Variants in AP2A1 observed in about 807,000 individuals in gnomAD.
AP2A1 encodes the protein AP-2 complex subunit alpha-1.
Under a neutral mutation model 107.3 loss-of-function variants are expected in AP2A1, and 21 were observed. The ratio of observed to expected loss-of-function variants is 0.20; its 90% confidence interval spans 0.14 to 0.28. The LOEUF is 0.28. AP2A1 is among the 10% of genes least tolerant of loss of function. AP2A1 has a pLI of 1.00. For synonymous variants in AP2A1, 602 were observed against 564.8 expected (o/e 1.07, Z -0.93); for missense variants, 873 against 1,307.7 (o/e 0.67, Z 5.13).
At position 49,803,158 on chromosome 19, in the gene AP2A1, C is replaced by T. The variant is rs376682843; in HGVS notation, c.2223C>T (p.Ile741=). The T allele has an allele frequency of 3.7e-6, 6 of 1,613,978 alleles. No homozygotes were observed. The African/African-American group carries it at 4.0e-5, about 11-fold the overall frequency. The change falls in exon 17 of 23, where the codon ATC becomes ATT. Residue 741 remains isoleucine, a synonymous_variant. Transcript: ENST00000354293. ...TGTTCGAGAACCAGCTGCTGCAGAT[C>T]GGAGTCAAGTCAGAGTTCCGACAGA... The part of the protein sequence containing the change: ...GVLFENQLLQ[I]GVKSEFRQNL...
At chr19:49,794,364 G>A (rs2073185111) in intron 6 of AP2A1, among the ~76,000 whole-genome samples, 1 of 151,892 alleles carries the variant, frequency 6.6e-6, no homozygotes, top group Non-Finnish European at 1.5e-5. Context: ...GCAGGTGCCT[G>A]GCTAATTTTT....
In AP2A1 at chr19:49,782,689, C is replaced by G; in HGVS notation, c.438C>G (p.Ala146=). ...TGGGCAGCCGGGAGATGGGCGAGGCCTTTGCCGCTGACATCCCCCGCATCC... is the reference window on the plus strand; with the variant it reads ...TGGGCAGCCGGGAGATGGGCGAGGCGTTTGCCGCTGACATCCCCCGCATCC... ...ANVGSREMGE[A]FAADIPRILV... The change falls in exon 4 of 23, where the codon GCC becomes GCG. Residue 146 remains alanine (A), a synonymous_variant. Coordinates refer to ENST00000354293, the MANE Select transcript of AP2A1 (RefSeq NM_130787.3). 6.2e-7 allele frequency: 1 copy of G among 1,609,620 alleles called. No homozygotes were observed. The highest frequency in any genetic ancestry group is 1.1e-5 in the South Asian group (1 of 90,722).
chr19:49,806,676 C>T lies in AP2A1; in HGVS notation c.2791-5C>T. The T allele has an allele frequency of 1.9e-6, 3 of 1,612,646 alleles. No individual in the cohort carries two copies. The highest frequency in any genetic ancestry group is 2.5e-6 in the Non-Finnish European group (3 of 1,179,760). ...CTGAGTTCTGCCCCCAATGCCCCCA[C>T]CCAGATGTACCGGCTGACCCTGCGC... On this transcript the variant is annotated splice_polypyrimidine_tract_variant and splice_region_variant and intron_variant, in intron 22 of 22. Transcript: ENST00000354293.
intron 11 of AP2A1, chr19:49,800,635 A>G: frequency 3.6e-6 from 1 of 279,310 alleles, no homozygotes; most frequent in Non-Finnish European, 6.8e-6. Flanking sequence ...CACCCAGCTA[A>G]TTTGTTTGTA....
At chr19:49,792,534 C>T (rs1468088731) in intron 5 of AP2A1, among the ~76,000 whole-genome samples, 1 of 151,936 alleles carries the variant, frequency 6.6e-6, no homozygotes, top group Non-Finnish European at 1.5e-5. Flanking sequence ...ACCCTCCCAT[C>T]CCCATCTCTG....
rs143160377 is a variant in AP2A1 at position 49,779,002 on chromosome 19, C to A, written c.68-2755C>A. 7.3e-3 allele frequency among the ~76,000 whole-genome samples: 1,096 copies of A among 149,130 alleles called. 36 individuals carry two copies. The South Asian group carries it at 0.082, about 11-fold the overall frequency. Reference sequence around the variant, plus strand: ...CTTGAAGTCAGGAGTTCGAGATCAGCCTGGGCAACATAGTAAGACCTCATT... The same window carrying A: ...CTTGAAGTCAGGAGTTCGAGATCAGACTGGGCAACATAGTAAGACCTCATT... On this transcript the variant is annotated intron_variant, in intron 1 of 22. Coordinates refer to ENST00000354293, the MANE Select transcript of AP2A1 (RefSeq NM_130787.3).
intron 1 of AP2A1, among the ~76,000 whole-genome samples, chr19:49,775,264 T>G (rs2084606180): frequency 6.6e-6 from 1 of 152,072 alleles, no homozygotes; most frequent in African/African-American, 2.4e-5. Context: ...ATCAGTGAAA[T>G]TCATTTTAAT....
chr19:49,793,050 C>T lies in AP2A1; in HGVS notation c.663C>T (p.Asp221=). Residue 221 remains aspartate, a synonymous_variant, in exon 6 of 23, where the codon GAC becomes GAT. Transcript: ENST00000354293. ...ITCLCKKNPD[D]FKTCVSLAVS... ...GTCTCTGCAAGAAGAACCCAGATGA[C>T]TTCAAGACGTGCGTCTCTCTGGCTG... 6.2e-7 allele frequency: 1 copy of T among 1,610,760 alleles called. No homozygotes were observed. The highest frequency in any genetic ancestry group is 8.5e-7 in the Non-Finnish European group (1 of 1,178,566).
At chr19:49,800,926 G>A (rs754708980) in intron 11 of AP2A1, 35 bp from the exon 12 acceptor site, 2 of 1,545,064 alleles carry the variant, frequency 1.3e-6, no homozygotes, top group Non-Finnish European at 1.8e-6. Context: ...GGCGCTCATT[G>A]TTGTCCTCTC....
chr19:49,803,037 G>T (rs1382805651), intron 16 of AP2A1, 32 bp downstream of exon 16: 1 of 1,613,604 alleles, frequency 6.2e-7, no homozygotes. Flanking sequence ...GGAGGGGAAC[G>T]GGACAGGTGC....
chr19:49,768,841 A>G (rs1343736691), intron 1 of AP2A1, among the ~76,000 whole-genome samples: 3 of 152,166 alleles, frequency 2.0e-5, no homozygotes, highest in African/African-American at 7.2e-5. Flanking sequence ...CATTCATAAC[A>G]GTGTCTTGCC....
chr19:49,795,535 G>A (rs2073201111), intron 6 of AP2A1, 95 bp from the exon 7 acceptor site: 1 of 798,558 alleles, frequency 1.3e-6, no homozygotes, highest in African/African-American at 1.7e-5. Context: ...TGACAGCACT[G>A]CCCTTGGAAG....
rs376555549 is a variant in AP2A1 at position 49,778,027 on chromosome 19, CATATG to C, written c.68-3725_68-3721del. Among the ~76,000 whole-genome samples the C allele has an allele frequency of 4.7e-3, 713 of 151,974 alleles. 1 individual carries two copies. Among genetic ancestry groups the C allele is most frequent in the South Asian group, 0.016 (75 of 4,810 alleles). Reference sequence around the variant, plus strand: ...ATACGTAAATATAAATATATAAGTACATATGATATATATTTCTTTAAATTTAAAGA... The same window carrying C: ...ATACGTAAATATAAATATATAAGTACATATATATTTCTTTAAATTTAAAGA... On this transcript the variant is annotated intron_variant, in intron 1 of 22. Coordinates refer to ENST00000354293, the MANE Select transcript of AP2A1 (RefSeq NM_130787.3).
chr19:49,802,539 T>C, intron 15 of AP2A1: 1 of 1,605,456 alleles, frequency 6.2e-7, no homozygotes, highest in Non-Finnish European at 8.5e-7. Context: ...CTCAGCGAGC[T>C]GGAGCCGCCT....
rs1341316681 is a variant in AP2A1 at position 49,805,706 on chromosome 19, C to T, written c.2514C>T (p.Thr838=). 1.3e-6 allele frequency: 2 copies of T among 1,571,030 alleles called. No homozygotes were observed. The highest frequency in any genetic ancestry group is 1.2e-5 in the South Asian group (1 of 85,434). Residue 838 remains threonine (T), a synonymous_variant, in exon 20 of 23, where the codon ACC becomes ACT. Coordinates refer to ENST00000354293, the MANE Select transcript of AP2A1 (RefSeq NM_130787.3). Reference sequence around the variant, plus strand: ...CCCTCACCCTGAAGCTCCCAGTGACCATCAACAAGTTCTTCCAGCCCACCG... The same window carrying T: ...CCCTCACCCTGAAGCTCCCAGTGACTATCAACAAGTTCTTCCAGCCCACCG... ...PQALTLKLPV[T]INKFFQPTEM... is the part of the protein sequence containing the mutation.
intron 15 of AP2A1, chr19:49,802,452 T>A: frequency 7.3e-7 from 1 of 1,361,190 alleles, no homozygotes; most frequent in Non-Finnish European, 1.0e-6. Flanking sequence ...TCTGTCTCTC[T>A]TCTGCCCTCT....
Position 49,793,056 on chromosome 19 carries a change from G to A in AP2A1, c.669G>A (p.Lys223=), listed in dbSNP as rs371834998. Residue 223 remains lysine, a synonymous_variant, in exon 6 of 23, where the codon AAG becomes AAA. Transcript: ENST00000354293. ...CLCKKNPDDF[K]TCVSLAVSRL... is the part of the protein sequence containing the mutation. The stretch of plus-strand genomic sequence containing the variant: ...GCAAGAAGAACCCAGATGACTTCAA[G>A]ACGTGCGTCTCTCTGGCTGTGTCGC... 170 of 1,610,242 alleles carry A rather than the reference G, an allele frequency of 1.1e-4. No homozygotes were observed. The highest frequency in any genetic ancestry group is 1.3e-4 in the Non-Finnish European group (151 of 1,178,448).
intron 1 of AP2A1, among the ~76,000 whole-genome samples, chr19:49,772,316 G>C (rs1307455200): frequency 7.5e-6 from 1 of 132,598 alleles, no homozygotes; most frequent in Non-Finnish European, 1.5e-5. Flanking sequence ...CTGGAGTGCA[G>C]TGGCGCGATC....
intron 1 of AP2A1, among the ~76,000 whole-genome samples, chr19:49,779,056 G>T (rs1024907010): frequency 2.0e-5 from 3 of 151,050 alleles, no homozygotes; most frequent in Non-Finnish European, 4.4e-5. Context: ...AAAAATTAGG[G>T]CTGGGCGAAG....
Sources: gnomAD v4.1 joint callset for allele counts (sites outside exome capture counted in the v4.1 genomes callset) on GRCh38, gnomAD v4.1.1 for gene constraint, MANE v1.5 for transcripts, NCBI Gene and HGNC (gene_info 2026-07-23, HGNC 2026-07-21) for gene names.